LRP2BP: variants seen among roughly 807,000 people sequenced by gnomAD.
The protein encoded by LRP2BP is LRP2 binding protein.
A neutral mutation model predicts 45.2 loss-of-function variants in LRP2BP; 38 were observed. The observed-to-expected ratio is 0.84, with a 90% confidence interval of 0.65 to 1.10. LRP2BP has a LOEUF of 1.10. LRP2BP is among the 50% of genes least tolerant of loss of function. The pLI is 0.00. For missense variants in LRP2BP, 385 were observed against 418.9 expected (o/e 0.92, Z 0.71); for synonymous variants, 153 against 153.9 (o/e 0.99, Z 0.04).
At chr4:185,389,453 G>A (rs979008253) in intron 1 of LRP2BP, among the ~76,000 whole-genome samples, 3 of 149,388 alleles carry the variant, frequency 2.0e-5, no homozygotes, top group East Asian at 2.0e-4. Context: ...CTTGTGATCC[G>A]CCCACCTCAG....
intron 4 of LRP2BP, 126 bp downstream of exon 4, chr4:185,375,487 A>AAAAAAAAAAAATAT (rs1554018308): frequency 1.7e-4 from 2 of 12,016 alleles, no homozygotes; most frequent in Non-Finnish European, 2.9e-4. Context: ...AAAAAAAAAA[A>AAAAAAAAAAAATAT]ATATATATAT....
intron 4 of LRP2BP, among the ~76,000 whole-genome samples, chr4:185,374,954 T>C (rs1579983772): frequency 1.3e-5 from 2 of 152,140 alleles, no homozygotes; most frequent in Non-Finnish European, 2.9e-5. Context: ...ACAAATCTTA[T>C]GCACTAATAC....
chr4:185,374,847 C>G (rs2095427783), intron 4 of LRP2BP, among the ~76,000 whole-genome samples: 1 of 152,166 alleles, frequency 6.6e-6, no homozygotes, highest in African/African-American at 2.4e-5. Flanking sequence ...ACAGCTTTCA[C>G]ATTTATAATT....
intron 1 of LRP2BP, among the ~76,000 whole-genome samples, chr4:185,391,129 C>T (rs188069075): frequency 2.0e-5 from 3 of 152,286 alleles, no homozygotes; most frequent in East Asian, 1.9e-4. Context: ...GAATACTAGC[C>T]GTGTATCCTA....
chr4:185,372,785 TTC>T (rs1269796451), intron 7 of LRP2BP, 69 bp downstream of exon 7: 4 of 1,316,698 alleles, frequency 3.0e-6, no homozygotes, highest in African/African-American at 2.9e-5. Flanking sequence ...AGAAATAAAT[TTC>T]TGTTTCTCAT....
At chr4:185,376,554 G>A (rs2095438583) in intron 3 of LRP2BP, among the ~76,000 whole-genome samples, 1 of 149,742 alleles carries the variant, frequency 6.7e-6, no homozygotes, top group Middle Eastern at 3.6e-3. Flanking sequence ...TCGGCCTCCC[G>A]AAGTACTGGG....
intron 1 of LRP2BP, among the ~76,000 whole-genome samples, chr4:185,379,219 C>T (rs997660772): frequency 2.0e-5 from 3 of 151,974 alleles, no homozygotes; most frequent in Non-Finnish European, 2.9e-5. Context: ...TATATGATTC[C>T]CCAAATCTTA....
intron 8 of LRP2BP, among the ~76,000 whole-genome samples, chr4:185,369,107 C>G (rs1463788168): frequency 6.7e-6 from 1 of 149,932 alleles, no homozygotes; most frequent in Non-Finnish European, 1.5e-5. Context: ...TTTTGTTGTT[C>G]TAGTCAGGAT....
At position 185,388,563 on chromosome 4, in the gene LRP2BP, C is replaced by T. The variant is rs565581897; in HGVS notation, c.-22+6216G>A. ...CTAGGACTTCTAGTAAACACAGGTTCGGTAAGAATAAACCTTAAGCTTTTT... is the reference window on the plus strand; with the variant it reads ...CTAGGACTTCTAGTAAACACAGGTTTGGTAAGAATAAACCTTAAGCTTTTT... On this transcript the variant is annotated intron_variant, in intron 1 of 8. Transcript: ENST00000505916. 8.9e-5 allele frequency among the ~76,000 whole-genome samples: 13 copies of T among 146,232 alleles called. No individual in the cohort carries two copies. In the East Asian group the frequency reaches 2.4e-3, roughly 27 times the overall value.
At chr4:185,383,984 A>G (rs2095462969) in intron 1 of LRP2BP, among the ~76,000 whole-genome samples, 1 of 152,196 alleles carries the variant, frequency 6.6e-6, no homozygotes, top group African/African-American at 2.4e-5. Context: ...CCTTTGCTGT[A>G]ATAACTGTTG....
At chr4:185,377,778 TGCAA>T (rs2095442980) in intron 2 of LRP2BP, 1 of 235,020 alleles carries the variant, frequency 4.3e-6, no homozygotes, top group African/African-American at 2.3e-5. Flanking sequence ...AAATAATAAT[TGCAA>T]GTCAAGCCTG....
rs2095500415 is a variant in LRP2BP, at chr4:185,395,744, T to TA, written c.-988dup. 1 of 985,318 alleles carries TA rather than the reference T, an allele frequency of 1.0e-6. No homozygotes were observed. Among genetic ancestry groups the TA allele is most frequent in the Admixed American group, 6.1e-5 (1 of 16,268 alleles). 61.0% of individuals were successfully genotyped at this position (985,318 alleles called of 1,614,324 possible). ...CAAAAAGTAGAATGAAAAGACCACT[T>TA]ATCTTTAGAGGACAAGCATGAACTT... On this transcript the variant is annotated 5_prime_UTR_variant, in exon 1 of 9. The change abolishes the stop of an existing upstream ORF in the 5' untranslated region. Coordinates refer to ENST00000505916, the MANE Select transcript of LRP2BP (RefSeq NM_001377440.1).
At chr4:185,385,905 AGG>A (rs201567649) in intron 1 of LRP2BP, among the ~76,000 whole-genome samples, 4 of 34,920 alleles carry the variant, frequency 1.1e-4, no homozygotes, top group African/African-American at 3.8e-4. Flanking sequence ...TGTCTCGGGG[AGG>A]GGGGGGGGGA....
rs145459533 is a variant in LRP2BP, at chr4:185,387,593, G to T, written c.-22+7186C>A. On this transcript the variant is annotated intron_variant, in intron 1 of 8. Coordinates refer to ENST00000505916, the MANE Select transcript of LRP2BP (RefSeq NM_001377440.1). ...ACCCTCATGTCTTTTTGAATTGCAA[G>T]TAAGAGACTGTGGACCTGCATGTTT... Among the ~76,000 whole-genome samples the T allele has an allele frequency of 6.8e-3, 1,043 of 152,310 alleles. 59 individuals carry two copies. Among genetic ancestry groups the T allele is most frequent in the Admixed American group, 0.063 (965 of 15,308 alleles).
chr4:185,370,902 C>T, intron 7 of LRP2BP, 88 bp from the exon 8 acceptor site: 1 of 1,398,882 alleles, frequency 7.1e-7, no homozygotes, highest in African/African-American at 1.4e-5. Context: ...GTCCTTGTGC[C>T]TGAAGTGATT....
chr4:185,370,564 G>C, intron 8 of LRP2BP, 76 bp downstream of exon 8: 1 of 1,471,592 alleles, frequency 6.8e-7, no homozygotes, highest in South Asian at 1.2e-5. Context: ...ACACTAATCC[G>C]TAAAACTATT....
upstream of LRP2BP, chr4:185,396,953 G>A (rs959129180): frequency 6.2e-7 from 1 of 1,613,550 alleles, no homozygotes; most frequent in South Asian, 1.1e-5. Context: ...ACCCCGAGGT[G>A]AGATTCGGGC....
At chr4:185,375,807 G>T in intron 3 of LRP2BP, 81 bp from the exon 4 acceptor site, 1 of 789,116 alleles carries the variant, frequency 1.3e-6, no homozygotes, top group Non-Finnish European at 2.0e-6. Flanking sequence ...TCAAGTGTTT[G>T]TGCCCAAGTT....
intron 1 of LRP2BP, among the ~76,000 whole-genome samples, chr4:185,387,074 C>T (rs1046381467): frequency 1.3e-5 from 2 of 152,078 alleles, no homozygotes; most frequent in Admixed American, 6.6e-5. Flanking sequence ...GGTGAAACCC[C>T]GTGTCTACTA....
Sources: allele counts gnomAD v4.1 joint callset (sites outside exome capture counted in the v4.1 genomes callset), GRCh38; gene constraint gnomAD v4.1.1; transcripts MANE v1.5; gene names NCBI Gene and HGNC (gene_info 2026-07-23, HGNC 2026-07-21).